The following PRKG1 variants were observed in gnomAD, a reference collection of about 807,000 sequenced individuals.
PRKG1 encodes protein kinase cGMP-dependent 1.
PRKG1 carries 35 observed loss-of-function variants against 88.1 expected under a neutral mutation model. That is an observed-to-expected ratio of 0.40 (90% CI 0.30 to 0.53). PRKG1 has a LOEUF of 0.53. PRKG1 is among the 20% of genes least tolerant of loss of function. PRKG1 has a pLI of 0.59. For synonymous variants in PRKG1, 303 were observed against 292.5 expected, an observed-to-expected ratio of 1.04 and a Z score of -0.37; for missense variants, 540 against 839.8, an observed-to-expected ratio of 0.64 and a Z score of 4.41.
intron 3 of PRKG1, among the ~76,000 whole-genome samples, chr10:51,575,687 T>C (rs1031809062): frequency 6.6e-6 from 1 of 151,736 alleles, no homozygotes; most frequent in Non-Finnish European, 1.5e-5. Context: ...GTCCCACTTT[T>C]GCTATATGAG....
chr10:51,670,172 A>G (rs1840522108), intron 3 of PRKG1, among the ~76,000 whole-genome samples: 1 of 151,952 alleles, frequency 6.6e-6, no homozygotes. Context: ...ATATTTTCTG[A>G]TATTAACATA....
At chr10:51,873,290 T>A (rs1841206241) in intron 4 of PRKG1, among the ~76,000 whole-genome samples, 1 of 152,094 alleles carries the variant, frequency 6.6e-6, no homozygotes, top group African/African-American at 2.4e-5. Flanking sequence ...GGATTAATTT[T>A]AATCTTTATT....
intron 3 of PRKG1, among the ~76,000 whole-genome samples, chr10:51,574,808 T>A (rs971166657): frequency 1.3e-5 from 2 of 151,914 alleles, no homozygotes; most frequent in African/African-American, 2.4e-5. Flanking sequence ...GAAGCACATT[T>A]TATATACATG....
intron 13 of PRKG1, 21 bp from the exon 14 acceptor site, chr10:52,282,132 T>C (rs1842015869): frequency 1.9e-6 from 3 of 1,564,968 alleles, no homozygotes; most frequent in Admixed American, 1.9e-5. Flanking sequence ...CTTAAGTATC[T>C]TGTTTTTCTC....
chr10:51,714,049 G>T (rs142277817), intron 3 of PRKG1, among the ~76,000 whole-genome samples: 2 of 151,860 alleles, frequency 1.3e-5, no homozygotes, highest in African/African-American at 2.4e-5. Context: ...GCATGATCTC[G>T]GCTCACCGCA....
chr10:51,182,609 G>A (rs538851305), intron 2 of PRKG1, among the ~76,000 whole-genome samples: 92 of 152,278 alleles, frequency 6.0e-4, no homozygotes, highest in Non-Finnish European at 9.8e-4. Flanking sequence ...AGCTTGCCTA[G>A]GAGTGCATGT....
chr10:51,494,503 C>T (rs903923648), intron 3 of PRKG1, among the ~76,000 whole-genome samples: 3 of 152,184 alleles, frequency 2.0e-5, no homozygotes, highest in African/African-American at 7.2e-5. Flanking sequence ...TGAAATGTGT[C>T]TGTTTGCCTC....
intron 5 of PRKG1, among the ~76,000 whole-genome samples, chr10:51,962,558 G>A (rs1379114696): frequency 6.6e-6 from 1 of 152,078 alleles, no homozygotes; most frequent in Non-Finnish European, 1.5e-5. Flanking sequence ...TTGATTTGCA[G>A]CTGTGGTCAT....
At chr10:52,139,706 T>TG (rs1837524214) in intron 8 of PRKG1, among the ~76,000 whole-genome samples, 1 of 151,944 alleles carries the variant, frequency 6.6e-6, no homozygotes, top group Non-Finnish European at 1.5e-5. Flanking sequence ...AACTTGGGAT[T>TG]GGGGGGTAAA....
intron 3 of PRKG1, among the ~76,000 whole-genome samples, chr10:51,572,819 A>G (rs1216018327): frequency 6.6e-6 from 1 of 151,798 alleles, no homozygotes; most frequent in Non-Finnish European, 1.5e-5. Flanking sequence ...TATTTTACGC[A>G]TTGTACCATG....
chr10:51,895,844 A>C (rs771047153), intron 4 of PRKG1, among the ~76,000 whole-genome samples: 7 of 152,018 alleles, frequency 4.6e-5, no homozygotes, highest in Non-Finnish European at 1.0e-4. Context: ...AAATTTCCCC[A>C]AGAGTGGGTT....
chr10:52,028,675 G>A lies in PRKG1; in HGVS notation c.763-25809G>A, dbSNP rs369761277. Among the ~76,000 whole-genome samples the A allele has an allele frequency of 2.1e-4, 32 of 152,220 alleles. No homozygotes were observed. The East Asian group carries it at 3.5e-3, about 17-fold the overall frequency. ...CTAGTTTATTTTTACCCTAAGGTGCGTTTGCTTCAGCAAATTTTAAGAACC... is the reference window on the plus strand; with the variant it reads ...CTAGTTTATTTTTACCCTAAGGTGCATTTGCTTCAGCAAATTTTAAGAACC... On this transcript the variant is annotated intron_variant, in intron 5 of 17. Coordinates refer to ENST00000373980, the MANE Select transcript of PRKG1 (RefSeq NM_006258.4).
chr10:51,767,349 C>A (rs4295994), intron 3 of PRKG1, among the ~76,000 whole-genome samples: 30,950 of 151,524 alleles, frequency 0.2, 4,486 homozygotes, highest in African/African-American at 0.41. Context: ...CTCTCTCTCT[C>A]TATATAAATG....
At chr10:50,998,703 G>A (rs1224339939) in intron 1 of PRKG1, among the ~76,000 whole-genome samples, 2 of 152,170 alleles carry the variant, frequency 1.3e-5, no homozygotes, top group African/African-American at 4.8e-5. Flanking sequence ...AGCCAAGATC[G>A]TGCCCCTGCA....
chr10:52,109,392 T>G (rs1589613658), intron 7 of PRKG1, among the ~76,000 whole-genome samples: 1 of 152,354 alleles, frequency 6.6e-6, no homozygotes, highest in South Asian at 2.1e-4. Context: ...ATGCTTATTT[T>G]CTTGGTTAGG....
At chr10:52,089,745 T>C (rs1847002850) in intron 7 of PRKG1, among the ~76,000 whole-genome samples, 1 of 151,016 alleles carries the variant, frequency 6.6e-6, no homozygotes, top group Non-Finnish European at 1.5e-5. Context: ...CTAGAAGCAG[T>C]GACACCCTCA....
intron 2 of PRKG1, among the ~76,000 whole-genome samples, chr10:51,205,413 A>T (rs962111260): frequency 6.6e-6 from 1 of 151,244 alleles, no homozygotes; most frequent in African/African-American, 2.4e-5. Context: ...CTGGGATTAC[A>T]TGTGTGACCC....
At chr10:51,068,527 T>G (rs2132793742) in intron 1 of PRKG1, 1 of 152,198 alleles carries the variant, frequency 6.6e-6, no homozygotes, top group Admixed American at 6.5e-5. Flanking sequence ...TTCAGTTTTC[T>G]TTACTTTAAA....
intron 1 of PRKG1, among the ~76,000 whole-genome samples, chr10:51,035,273 A>G (rs1272034705): frequency 6.6e-6 from 1 of 152,224 alleles, no homozygotes; most frequent in East Asian, 1.9e-4. Context: ...TGTGAAATAC[A>G]TGCTGAATAA....
Sources: gnomAD v4.1 joint callset for allele counts (sites outside exome capture counted in the v4.1 genomes callset) on GRCh38, gnomAD v4.1.1 for gene constraint, MANE v1.5 for transcripts, NCBI Gene and HGNC (gene_info 2026-07-23, HGNC 2026-07-21) for gene names.